ACOXL: variants seen among roughly 807,000 people sequenced by gnomAD.
ACOXL encodes acyl-CoA oxidase like.
Under a neutral mutation model 71.9 loss-of-function variants are expected in ACOXL, and 70 were observed. The observed-to-expected ratio is 0.97, with a 90% CI of 0.80 to 1.19. The LOEUF (loss-of-function observed/expected upper bound fraction) is 1.19. Ranked by LOEUF, ACOXL falls within the 50% of genes most tolerant of loss-of-function variation. The pLI is 0.00. For missense variants in ACOXL, 703 were observed against 736.3 expected (o/e 0.95, Z 0.52); for synonymous variants, 253 against 281.6 (o/e 0.90, Z 1.02).
In ACOXL at chr2:111,021,752, G is replaced by A. The variant is rs116779756; in HGVS notation, c.1282-9875G>A. Among the ~76,000 whole-genome samples, 1,140 of 152,130 alleles carry A rather than the reference G, an allele frequency of 7.5e-3. 17 individuals carry two copies. The highest frequency in any genetic ancestry group is 0.026 in the African/African-American group (1,070 of 41,496). ...GAGTGCAAATACATGAGAGAAGAGT[G>A]GAAGTTGAGACACTTGAATTAACCC... On this transcript the variant is annotated intron_variant, in intron 14 of 17. Coordinates refer to ENST00000439055, the MANE Select transcript of ACOXL (RefSeq NM_001142807.4).
intron 12 of ACOXL, among the ~76,000 whole-genome samples, chr2:110,980,384 T>C (rs1381971167): frequency 2.6e-5 from 4 of 152,128 alleles, no homozygotes; most frequent in African/African-American, 9.7e-5. Context: ...AGCGAAAATG[T>C]GTGCAGGGGA....
chr2:110,868,662 C>G (rs997544815), intron 10 of ACOXL, among the ~76,000 whole-genome samples: 1 of 152,218 alleles, frequency 6.6e-6, no homozygotes, highest in Non-Finnish European at 1.5e-5. Context: ...AACCCCAGCT[C>G]ACTGCAGCCT....
intron 12 of ACOXL, among the ~76,000 whole-genome samples, chr2:110,977,255 A>G (rs890421005): frequency 6.6e-6 from 1 of 151,898 alleles, no homozygotes; most frequent in Non-Finnish European, 1.5e-5. Flanking sequence ...GCGTGGTGGC[A>G]GGTGCCTGTA....
chr2:110,863,371 A>G (rs1177647048), intron 10 of ACOXL, among the ~76,000 whole-genome samples: 1 of 152,372 alleles, frequency 6.6e-6, no homozygotes, highest in East Asian at 1.9e-4. Context: ...CTGTTTTCCA[A>G]AATATGAAGG....
At chr2:111,091,755 A>G (rs75210952) in intron 16 of ACOXL, among the ~76,000 whole-genome samples, 4,252 of 152,260 alleles carry the variant, frequency 0.028, 128 homozygotes, top group South Asian at 0.15. Flanking sequence ...AACCTTAAAT[A>G]TCTTTCATAA....
chr2:110,948,427 C>T (rs1180482118), intron 12 of ACOXL, among the ~76,000 whole-genome samples: 1 of 152,206 alleles, frequency 6.6e-6, no homozygotes, highest in African/African-American at 2.4e-5. Flanking sequence ...GGACATTCAA[C>T]ACCACCTCAT....
At chr2:110,912,060 T>A (rs942897999) in intron 11 of ACOXL, among the ~76,000 whole-genome samples, 2 of 151,960 alleles carry the variant, frequency 1.3e-5, no homozygotes, top group African/African-American at 4.8e-5. Flanking sequence ...AGACTAGCAA[T>A]GAATAATCCA....
chr2:110,845,893 G>A (rs1441621287), intron 10 of ACOXL, among the ~76,000 whole-genome samples: 1 of 152,154 alleles, frequency 6.6e-6, no homozygotes, highest in Non-Finnish European at 1.5e-5. Flanking sequence ...CTATGAATTT[G>A]GATGTACAAA....
At chr2:111,003,177 C>A (rs1052357989) in intron 14 of ACOXL, among the ~76,000 whole-genome samples, 1 of 152,076 alleles carries the variant, frequency 6.6e-6, no homozygotes, top group African/African-American at 2.4e-5. Context: ...AAAACATTTA[C>A]ACACACATGA....
intron 14 of ACOXL, among the ~76,000 whole-genome samples, chr2:111,003,478 G>C (rs1289506289): frequency 6.8e-6 from 1 of 146,314 alleles, no homozygotes; most frequent in East Asian, 2.0e-4. Context: ...TTGAACCCAG[G>C]AGGCGGAGGT....
At chr2:110,889,926 A>C (rs1337000982) in intron 10 of ACOXL, among the ~76,000 whole-genome samples, 1 of 152,142 alleles carries the variant, frequency 6.6e-6, no homozygotes, top group East Asian at 1.9e-4. Context: ...ATATATTCTC[A>C]CCAAGCAGTA....
At chr2:110,751,817 T>G (rs1252615900) in intron 1 of ACOXL, among the ~76,000 whole-genome samples, 5 of 152,212 alleles carry the variant, frequency 3.3e-5, no homozygotes, top group Admixed American at 6.5e-5. Context: ...TAGAACTTAT[T>G]ATCAGAATCA....
intron 12 of ACOXL, among the ~76,000 whole-genome samples, chr2:110,971,477 A>G (rs1427653563): frequency 1.3e-5 from 2 of 152,244 alleles, no homozygotes; most frequent in African/African-American, 4.8e-5. Flanking sequence ...ACATTCATGC[A>G]AATGCTACAT....
chr2:110,843,844 G>A (rs1691474998), intron 10 of ACOXL, among the ~76,000 whole-genome samples: 1 of 152,176 alleles, frequency 6.6e-6, no homozygotes, highest in Admixed American at 6.5e-5. Context: ...TTACATAAGT[G>A]CAACAATAAA....
At chr2:110,921,388 A>ACCCCCCCCC (rs376926482) in intron 11 of ACOXL, among the ~76,000 whole-genome samples, 2 of 57,556 alleles carry the variant, frequency 3.5e-5, no homozygotes, top group Admixed American at 2.0e-4. Flanking sequence ...CTATATATCC[A>ACCCCCCCCC]CCCCCCCCCC....
intron 10 of ACOXL, among the ~76,000 whole-genome samples, chr2:110,871,505 A>C (rs1456005156): frequency 6.6e-6 from 1 of 152,136 alleles, no homozygotes; most frequent in Non-Finnish European, 1.5e-5. Flanking sequence ...GGGGGACTGC[A>C]GATTTCATTC....
intron 14 of ACOXL, among the ~76,000 whole-genome samples, chr2:111,018,709 G>T (rs894863095): frequency 1.3e-5 from 1 of 78,692 alleles, no homozygotes; most frequent in East Asian, 2.3e-4. Context: ...CAGAGAGGCT[G>T]GAGGGGGTGT....
intron 10 of ACOXL, among the ~76,000 whole-genome samples, chr2:110,891,086 A>T (rs13427098): frequency 6.6e-6 from 1 of 151,842 alleles, no homozygotes; most frequent in Non-Finnish European, 1.5e-5. Context: ...TTATTAGTAT[A>T]TAGAAATACA....
rs115240260 is a variant in ACOXL, at chr2:110,943,172, G to T, written c.1059+9530G>T. ...AAAGAGAAAGAAAAAGAAAAAGGGAGGGAGGGAAAGAAGGAAGGAAGGAAA... is the reference window on the plus strand; with the variant it reads ...AAAGAGAAAGAAAAAGAAAAAGGGATGGAGGGAAAGAAGGAAGGAAGGAAA... On this transcript the variant is annotated intron_variant, in intron 12 of 17. Coordinates refer to ENST00000439055, the MANE Select transcript of ACOXL (RefSeq NM_001142807.4). Among the ~76,000 whole-genome samples the T allele has an allele frequency of 2.2e-3, 308 of 141,974 alleles. 2 individuals are homozygous for T. Among genetic ancestry groups the T allele is most frequent in the African/African-American group, 7.9e-3 (300 of 38,034 alleles). 93.1% of individuals were successfully genotyped at this position (141,974 alleles called of 152,430 possible). A position where few individuals can be genotyped will look rare whatever the true frequency, so the allele number is the denominator to read the frequency against.
Sources: gnomAD v4.1 joint callset for allele counts (sites outside exome capture counted in the v4.1 genomes callset) on GRCh38, gnomAD v4.1.1 for gene constraint, MANE v1.5 for transcripts, NCBI Gene and HGNC (gene_info 2026-07-23, HGNC 2026-07-21) for gene names.